Variants in CENPE observed in about 807,000 individuals in gnomAD.
CENPE encodes centromere protein E, also known as centromere-associated protein E.
Under a neutral mutation model 336.1 loss-of-function variants are expected in CENPE, and 145 were observed. The observed-to-expected ratio is 0.43, with a 90% CI of 0.38 to 0.50. CENPE has a LOEUF of 0.50. Among genes scored for constraint, CENPE ranks in the 20% least tolerant of loss-of-function variants. CENPE has a pLI of 0.00. For missense variants in CENPE, 2,719 were observed against 3,023.3 expected, an observed-to-expected ratio of 0.90 and a Z score of 2.36; for synonymous variants, 1,013 against 984.8, an observed-to-expected ratio of 1.03 and a Z score of -0.54.
chr4:103,185,924 C>A, intron 8 of CENPE, 63 bp from the exon 9 acceptor site: 1 of 1,110,126 alleles, frequency 9.0e-7, no homozygotes, highest in South Asian at 1.3e-5. Context: ...ATTCAAACTA[C>A]TGAAAGAACA....
intron 5 of CENPE, 43 bp downstream of exon 5, chr4:103,195,071 A>G: frequency 4.0e-6 from 6 of 1,513,878 alleles, no homozygotes; most frequent in East Asian, 2.3e-5. Flanking sequence ...AATAATCTCA[A>G]TAAGTCAGTC....
At chr4:103,182,160 C>T (rs192664326) in intron 11 of CENPE, among the ~76,000 whole-genome samples, 3 of 151,324 alleles carry the variant, frequency 2.0e-5, no homozygotes, top group East Asian at 3.9e-4. Context: ...GGCGCGATCT[C>T]GGCTCACCGC....
At chr4:103,123,472 C>A (rs190875932) in intron 42 of CENPE, among the ~76,000 whole-genome samples, 2 of 152,068 alleles carry the variant, frequency 1.3e-5, no homozygotes, top group East Asian at 3.9e-4. Flanking sequence ...TTTAGATATG[C>A]CACCGTGAAG....
At chr4:103,193,578 A>T (rs1325929637) in intron 8 of CENPE, among the ~76,000 whole-genome samples, 11 of 152,104 alleles carry the variant, frequency 7.2e-5, no homozygotes, top group Non-Finnish European at 1.6e-4. Context: ...GCAATAATTT[A>T]GTGTGGAAAG....
At position 103,138,343 on chromosome 4, in the gene CENPE, G is replaced by A. The variant is rs1357683434; in HGVS notation, c.6303+8C>T. The A allele has an allele frequency of 1.9e-6, 3 of 1,562,504 alleles. No individual in the cohort carries two copies. The Admixed American group carries it at 5.0e-5, about 26-fold the overall frequency. On this transcript the variant is annotated splice_region_variant and intron_variant, in intron 39 of 48. Transcript: ENST00000265148. The stretch of plus-strand genomic sequence containing the variant: ...TAATCATTTGTAGTTTTAACAGGGG[G>A]TACTTACTTTTATTCTAGAGCACTT...
chr4:103,133,753 A>G lies in CENPE; in HGVS notation c.6662T>C (p.Val2221Ala), dbSNP rs758391209. 5.0e-6 allele frequency: 8 copies of G among 1,612,086 alleles called. No individual in the cohort carries two copies. The highest frequency in any genetic ancestry group is 6.8e-6 in the Non-Finnish European group (8 of 1,178,804). ...GAGATCCCTTAATTCTCTGGATGGTACATCACAATCTTGTTGAAGGTGCTG... is the reference window on the plus strand; with the variant it reads ...GAGATCCCTTAATTCTCTGGATGGTGCATCACAATCTTGTTGAAGGTGCTG... ...KIQHLQQDCD[V>A]PSRELRDLKL... Residue 2221 changes from valine (V) to alanine (A), a missense_variant, in exon 41 of 49, where the codon GTA (valine) becomes GCA (alanine). Coordinates refer to ENST00000265148, the MANE Select transcript of CENPE (RefSeq NM_001813.3).
At chr4:103,136,063 G>A (rs1352197996) in intron 40 of CENPE, 78 bp downstream of exon 40, 22 of 1,184,632 alleles carry the variant, frequency 1.9e-5, no homozygotes, top group Middle Eastern at 2.6e-4. Context: ...CAAATATGCC[G>A]GCACCTGAAG....
At chr4:103,106,522 T>C (rs1282474093) in intron 48 of CENPE, among the ~76,000 whole-genome samples, 1 of 152,194 alleles carries the variant, frequency 6.6e-6, no homozygotes, top group African/African-American at 2.4e-5. Flanking sequence ...AAATGAACTA[T>C]TAGACAAACC....
intron 48 of CENPE, 65 bp downstream of exon 48, chr4:103,108,738 C>T: frequency 7.0e-7 from 1 of 1,425,994 alleles, no homozygotes; most frequent in Non-Finnish European, 9.6e-7. Flanking sequence ...CCTTTGGGAT[C>T]ACATATTAAT....
At chr4:103,189,375 C>T (rs1036651269) in intron 8 of CENPE, among the ~76,000 whole-genome samples, 4 of 152,076 alleles carry the variant, frequency 2.6e-5, no homozygotes, top group African/African-American at 9.7e-5. Flanking sequence ...TGATGAACAT[C>T]GATACAAAAA....
At chr4:103,150,457 A>G (rs1469738827) in intron 26 of CENPE, among the ~76,000 whole-genome samples, 1 of 151,866 alleles carries the variant, frequency 6.6e-6, no homozygotes, top group East Asian at 1.9e-4. Context: ...TGGCACAGCT[A>G]ATTTAGTCTC....
At chr4:103,135,093 T>G (rs1422876527) in intron 40 of CENPE, among the ~76,000 whole-genome samples, 1 of 152,234 alleles carries the variant, frequency 6.6e-6, no homozygotes, top group East Asian at 1.9e-4. Context: ...CTTGAACCCA[T>G]GTGTTGCTCC....
chr4:103,177,249 T>G (rs547291423), intron 13 of CENPE, among the ~76,000 whole-genome samples: 1 of 152,192 alleles, frequency 6.6e-6, no homozygotes, highest in Admixed American at 6.5e-5. Flanking sequence ...ACCATTTTCT[T>G]TTTTTCCTAC....
chr4:103,191,711 G>C (rs1437800619), intron 8 of CENPE, among the ~76,000 whole-genome samples: 1 of 151,774 alleles, frequency 6.6e-6, no homozygotes, highest in East Asian at 1.9e-4. Context: ...GAGTTAATGG[G>C]TGCAGTATAC....
In CENPE at chr4:103,163,417, A is replaced by G. The variant is rs567509984; in HGVS notation, c.1722+62T>C. The G allele has an allele frequency of 8.4e-6, 11 of 1,302,974 alleles. No homozygotes were observed. The East Asian group carries it at 2.3e-4, about 28-fold the overall frequency. 80.7% of individuals were successfully genotyped at this position (1,302,974 alleles called of 1,614,324 possible). ...TATTTCTGACATCATGTTCAGTTAC[A>G]TATGTTGCATGTTTTATAGTTCTAA... On this transcript the variant is annotated intron_variant, in intron 17 of 48. Coordinates refer to ENST00000265148, the MANE Select transcript of CENPE (RefSeq NM_001813.3).
chr4:103,117,705 G>GCGCC (rs1750262242), intron 44 of CENPE, among the ~76,000 whole-genome samples: 1 of 144,158 alleles, frequency 6.9e-6, no homozygotes, highest in African/African-American at 2.6e-5. Context: ...TCGGCTCACT[G>GCGCC]CAACCTTCGC....
intron 24 of CENPE, among the ~76,000 whole-genome samples, chr4:103,155,919 T>C (rs963534174): frequency 6.6e-6 from 1 of 152,186 alleles, no homozygotes; most frequent in East Asian, 1.9e-4. Context: ...AATGCATGAC[T>C]GTACAAACAT....
At chr4:103,173,652 TCC>T (rs1755613398) in intron 16 of CENPE, among the ~76,000 whole-genome samples, 2 of 151,868 alleles carry the variant, frequency 1.3e-5, no homozygotes, top group Admixed American at 1.3e-4. Context: ...ATGGTTAATA[TCC>T]AAAATATATA....
Position 103,140,067 on chromosome 4 carries a change from G to C in CENPE, c.5926C>G (p.Gln1976Glu). 1 of 1,599,324 alleles carries C rather than the reference G, an allele frequency of 6.3e-7. No homozygotes were observed. Residue 1976 changes from glutamine (Q) to glutamate (E), a missense_variant, in exon 38 of 49, where the codon CAG (glutamine) becomes GAG (glutamate). Around this residue, in one of 5 missense-constraint regions of CENPE, gnomAD observed 2,437 missense variants for 2,513.3 expected, o/e 0.97. Coordinates refer to ENST00000265148, the MANE Select transcript of CENPE (RefSeq NM_001813.3). ...CTAAGCAGTTGAAGTTCTTTTTTCT[G>C]AAGTTCTTGGATCTTGAGATAATTG... ...DELQKKIQEL[Q>E]KKELQLLRVK...
Sources: allele counts gnomAD v4.1 joint callset (sites outside exome capture counted in the v4.1 genomes callset), GRCh38; gene constraint gnomAD v4.1.1; regional missense constraint gnomAD v4.1.1; transcripts MANE v1.5; gene names NCBI Gene and HGNC (gene_info 2026-07-23, HGNC 2026-07-21).